The following FAF1 variants were observed in gnomAD, a reference collection of about 807,000 sequenced individuals.
The protein encoded by FAF1 is FAS-associated factor 1.
In FAF1, 25 loss-of-function variants were observed where a neutral mutation model predicts 92.5. The observed-to-expected ratio is 0.27, with a 90% CI of 0.20 to 0.38. The LOEUF is 0.38. Ranked by LOEUF, FAF1 falls within the 10% of genes least tolerant of loss-of-function variation. FAF1 has a pLI of 1.00. For synonymous variants in FAF1, 234 were observed against 273.2 expected, an observed-to-expected ratio of 0.86 and a Z score of 1.42; for missense variants, 636 against 793.3, an observed-to-expected ratio of 0.80 and a Z score of 2.38.
At chr1:50,871,341 T>TA (rs1644526732) in intron 1 of FAF1, among the ~76,000 whole-genome samples, 1 of 152,238 alleles carries the variant, frequency 6.6e-6, no homozygotes, top group East Asian at 1.9e-4. Context: ...ACAGCAGTAG[T>TA]AACATTCTAT....
At position 50,655,449 on chromosome 1, in the gene FAF1, T is replaced by C. The variant is rs1477198115; in HGVS notation, c.737A>G (p.Asp246Gly). The change falls in exon 8 of 19, where the codon GAC (aspartate) becomes GGC (glycine). Residue 246 changes from aspartate (D) to glycine (G), a missense_variant. Around this residue, in one of 2 missense-constraint regions of FAF1, gnomAD observed 317 missense variants for 342.4 expected, o/e 0.93. Transcript: ENST00000396153. ...AATTTGACTGTCACTTACTGAGTCG[T>C]CTGTAGCAGAAGTTGGCCAGCCCTC... is the stretch of plus-strand genomic sequence containing the variant. ...LWEGWPTSAT[D>G]DSMCLAESGL... The C allele has an allele frequency of 6.2e-7, 1 of 1,611,626 alleles. No homozygotes were observed. The highest frequency in any genetic ancestry group is 8.5e-7 in the Non-Finnish European group (1 of 1,177,688).
intron 1 of FAF1, among the ~76,000 whole-genome samples, chr1:50,955,423 T>C (rs928685628): frequency 2.6e-5 from 4 of 152,238 alleles, no homozygotes; most frequent in Admixed American, 2.6e-4. Flanking sequence ...ATCAGTAACA[T>C]ACTATGTACG....
Position 50,776,748 on chromosome 1 carries a change from C to G in FAF1, c.367+11252G>C, listed in dbSNP as rs970551749. Among the ~76,000 whole-genome samples the G allele has an allele frequency of 3.4e-4, 51 of 151,938 alleles. 1 individual carries two copies. Among genetic ancestry groups the G allele is most frequent in the Admixed American group, 3.3e-3 (50 of 15,252 alleles). On this transcript the variant is annotated intron_variant, in intron 4 of 18. Coordinates refer to ENST00000396153, the MANE Select transcript of FAF1 (RefSeq NM_007051.3). ...TGTGATGTGGCACTGAATTTGCCCC[C>G]TTGGATAATAGAAATATTTGTCATT...
intron 1 of FAF1, among the ~76,000 whole-genome samples, chr1:50,910,085 TAGTTTTCCTTCTA>T (rs1644872639): frequency 6.6e-6 from 1 of 152,214 alleles, no homozygotes; most frequent in Non-Finnish European, 1.5e-5. Context: ...TTCTGTTTGT[TAGTTTTCCTTCTA>T]ACAGTCAGGA....
chr1:50,776,291 T>C (rs1263422811), intron 4 of FAF1, among the ~76,000 whole-genome samples: 2 of 152,150 alleles, frequency 1.3e-5, no homozygotes, highest in African/African-American at 2.4e-5. Flanking sequence ...ACAGACACAT[T>C]ATAAATACAA....
chr1:50,535,284 TATC>T (rs773517723), intron 15 of FAF1, 82 bp downstream of exon 15: 14 of 898,506 alleles, frequency 1.6e-5, no homozygotes, highest in Non-Finnish European at 2.4e-5. Flanking sequence ...TTATCGATCA[TATC>T]ATAGGCATGT....
chr1:50,480,356 T>C (rs1038386100), intron 17 of FAF1, among the ~76,000 whole-genome samples: 5 of 152,250 alleles, frequency 3.3e-5, no homozygotes, highest in African/African-American at 9.6e-5. Context: ...TTTACTTATA[T>C]ACACAGATGT....
intron 2 of FAF1, among the ~76,000 whole-genome samples, chr1:50,815,562 C>T (rs1176748749): frequency 6.6e-6 from 1 of 152,088 alleles, no homozygotes; most frequent in African/African-American, 2.4e-5. Context: ...TGGATATATA[C>T]CTAGTAATAG....
chr1:50,721,503 G>GT (rs1203417622), intron 6 of FAF1, among the ~76,000 whole-genome samples: 1 of 151,950 alleles, frequency 6.6e-6, no homozygotes, highest in Non-Finnish European at 1.5e-5. Flanking sequence ...GTGAGCCACC[G>GT]TGCCCGGCCG....
At chr1:50,918,974 T>C (rs1173860667) in intron 1 of FAF1, among the ~76,000 whole-genome samples, 2 of 152,232 alleles carry the variant, frequency 1.3e-5, no homozygotes, top group African/African-American at 4.8e-5. Flanking sequence ...TGTCACTGAA[T>C]GTAAATTTCA....
intron 1 of FAF1, among the ~76,000 whole-genome samples, chr1:50,878,988 A>G (rs1162837031): frequency 6.6e-6 from 1 of 152,138 alleles, no homozygotes; most frequent in Non-Finnish European, 1.5e-5. Context: ...GCTTATGCCT[A>G]TAATCCCACC....
chr1:50,818,237 A>T (rs977084328), intron 2 of FAF1, among the ~76,000 whole-genome samples: 1 of 152,204 alleles, frequency 6.6e-6, no homozygotes, highest in African/African-American at 2.4e-5. Flanking sequence ...AAAGACTATC[A>T]ACACCAAATA....
Position 50,559,443 on chromosome 1 carries a change from G to C in FAF1, c.1268+7634C>G, listed in dbSNP as rs1572833682. Among the ~76,000 whole-genome samples, 4 of 152,148 alleles carry C rather than the reference G, an allele frequency of 2.6e-5. No individual in the cohort carries two copies. The East Asian group carries it at 5.8e-4, about 22-fold the overall frequency. On this transcript the variant is annotated intron_variant, in intron 13 of 18. Coordinates refer to ENST00000396153, the MANE Select transcript of FAF1 (RefSeq NM_007051.3). Reference sequence around the variant, plus strand: ...GTGTACCCTTGGACAATGCTGAGCAGTAATTATGACTTGCTGACAAAGAGA... The same window carrying C: ...GTGTACCCTTGGACAATGCTGAGCACTAATTATGACTTGCTGACAAAGAGA...
Position 50,724,329 on chromosome 1 carries a change from A to ACACC in FAF1, c.551+14533_551+14534insGGTG, listed in dbSNP as rs1557494834. Among the ~76,000 whole-genome samples the ACACC allele has an allele frequency of 2.7e-5, 4 of 148,252 alleles. 1 individual carries two copies. The South Asian group carries it at 6.5e-4, about 24-fold the overall frequency. On this transcript the variant is annotated intron_variant, in intron 6 of 18. Coordinates refer to ENST00000396153, the MANE Select transcript of FAF1 (RefSeq NM_007051.3). The stretch of plus-strand genomic sequence containing the variant: ...CACACACACACACACACACACACAC[A>ACACC]CCCCTGCTCAGTGGATGCATGCACC...
At chr1:50,729,048 A>ATTT (rs1658796883) in intron 6 of FAF1, among the ~76,000 whole-genome samples, 7 of 88,016 alleles carry the variant, frequency 8.0e-5, no homozygotes, top group African/African-American at 3.3e-4. Flanking sequence ...ATATATATAT[A>ATTT]TATATATATA....
intron 2 of FAF1, among the ~76,000 whole-genome samples, chr1:50,829,361 T>G (rs1219260886): frequency 1.3e-5 from 2 of 152,146 alleles, no homozygotes; most frequent in Admixed American, 6.5e-5. Flanking sequence ...AAAAAAGGCA[T>G]TATCCTTCCA....
intron 1 of FAF1, among the ~76,000 whole-genome samples, chr1:50,898,895 C>T (rs1334437600): frequency 1.3e-5 from 2 of 152,112 alleles, no homozygotes; most frequent in African/African-American, 4.8e-5. Flanking sequence ...TATGGTTTTC[C>T]TCTAATTTGG....
intron 8 of FAF1, among the ~76,000 whole-genome samples, chr1:50,653,831 T>C (rs991837418): frequency 6.6e-6 from 1 of 152,002 alleles, no homozygotes; most frequent in Non-Finnish European, 1.5e-5. Context: ...GATTGTGTCA[T>C]TGTACTCCAG....
chr1:50,491,207 A>C (rs1646835256), intron 16 of FAF1, among the ~76,000 whole-genome samples: 1 of 152,074 alleles, frequency 6.6e-6, no homozygotes. Context: ...TACTCACTGA[A>C]CTCTCACAGA....
Sources: gnomAD v4.1 joint callset for allele counts (sites outside exome capture counted in the v4.1 genomes callset) on GRCh38, gnomAD v4.1.1 for gene constraint, gnomAD v4.1.1 regional missense constraint, MANE v1.5 for transcripts, NCBI Gene and HGNC (gene_info 2026-07-23, HGNC 2026-07-21) for gene names.